The following ETNK1 variants were observed in gnomAD, a reference collection of about 807,000 sequenced individuals.
ETNK1 encodes the protein putative protein product of Nbla10396.
Under a neutral mutation model 45.1 loss-of-function variants are expected in ETNK1, and 8 were observed. The ratio of observed to expected loss-of-function variants is 0.18; its 90% CI spans 0.10 to 0.32. The LOEUF is 0.32. ETNK1 is among the 10% of genes least tolerant of loss of function. The pLI is 1.00. For missense variants in ETNK1, 302 were observed against 430.6 expected (o/e 0.70, Z 2.64); for synonymous variants, 152 against 151.9 (o/e 1.00, Z -0.01).
rs550759585 is a variant in ETNK1 at position 22,690,501 on chromosome 12, A to C, written c.*5547A>C. 1.3e-5 allele frequency: 2 copies of C among 152,560 alleles called. No individual in the cohort carries two copies. Among genetic ancestry groups the C allele is most frequent in the South Asian group, 4.1e-4 (2 of 4,838 alleles). The allele number at this position is 152,560 out of a possible 1,614,324, so 9.5% of individuals were successfully genotyped here. On this transcript the variant is annotated 3_prime_UTR_variant, in exon 8 of 8. Transcript: ENST00000266517. Reference sequence around the variant, plus strand: ...TTTCACTATGTGTTCATAAACTTTTAATGAAGCTGTTTGTCTTTCAGTTCA... The same window carrying C: ...TTTCACTATGTGTTCATAAACTTTTCATGAAGCTGTTTGTCTTTCAGTTCA...
At chr12:22,669,857 C>A (rs1281426590) in intron 4 of ETNK1, among the ~76,000 whole-genome samples, 2 of 151,866 alleles carry the variant, frequency 1.3e-5, no homozygotes, top group Non-Finnish European at 2.9e-5. Flanking sequence ...AGTTGAATTG[C>A]CGTGATTTAT....
intron 7 of ETNK1, 85 bp downstream of exon 7, chr12:22,684,641 A>G: frequency 2.0e-6 from 2 of 977,416 alleles, no homozygotes; most frequent in South Asian, 2.9e-5. Context: ...TATTGTAGTT[A>G]TTTGCAATCA....
In ETNK1 at chr12:22,688,719, A is replaced by G. The variant is rs1954280974; in HGVS notation, c.*3765A>G. Reference sequence around the variant, plus strand: ...ATGCAGAAGACAAATGCTAGTAATTATTATGCACAGAGGAAAAATCATTTT... The same window carrying G: ...ATGCAGAAGACAAATGCTAGTAATTGTTATGCACAGAGGAAAAATCATTTT... On this transcript the variant is annotated 3_prime_UTR_variant, in exon 8 of 8. Transcript: ENST00000266517. 6.6e-6 allele frequency: 1 copy of G among 152,288 alleles called. No individual in the cohort carries two copies. The highest frequency in any genetic ancestry group is 1.5e-5 in the Non-Finnish European group (1 of 67,788). The allele number at this position is 152,288 out of a possible 1,614,324, so 9.4% of individuals were successfully genotyped here.
At chr12:22,673,473 T>G (rs761933379) in intron 5 of ETNK1, 27 bp from the exon 6 acceptor site, 41 of 1,531,316 alleles carry the variant, frequency 2.7e-5, no homozygotes, top group Non-Finnish European at 3.6e-5. Context: ...TTTAAAATTT[T>G]TGAGTGTAGT....
intron 1 of ETNK1, among the ~76,000 whole-genome samples, chr12:22,635,178 C>T (rs1171893099): frequency 6.6e-6 from 1 of 152,230 alleles, no homozygotes; most frequent in Non-Finnish European, 1.5e-5. Flanking sequence ...GGACCTGTCA[C>T]TCTGTGTGAA....
intron 6 of ETNK1, among the ~76,000 whole-genome samples, chr12:22,683,578 A>T (rs1954233303): frequency 6.6e-6 from 1 of 152,290 alleles, no homozygotes; most frequent in South Asian, 2.1e-4. Context: ...GTGACTTATT[A>T]AAGGTTGCAA....
chr12:22,665,675 T>C (rs1007497214), intron 4 of ETNK1, among the ~76,000 whole-genome samples: 2 of 152,146 alleles, frequency 1.3e-5, no homozygotes, highest in African/African-American at 4.8e-5. Flanking sequence ...TAAAACTTTA[T>C]TTCCAAAAAT....
chr12:22,668,945 G>A (rs1212432553), intron 4 of ETNK1, among the ~76,000 whole-genome samples: 1 of 152,012 alleles, frequency 6.6e-6, no homozygotes, highest in African/African-American at 2.4e-5. Context: ...AACTGTATTT[G>A]CCAAATTCTA....
intron 1 of ETNK1, 173 bp downstream of exon 1, chr12:22,625,759 C>A: frequency 1.0e-6 from 1 of 976,350 alleles, no homozygotes; most frequent in Admixed American, 2.0e-5. Context: ...GTCACTCCCC[C>A]TTCCCGTCGC....
intron 4 of ETNK1, among the ~76,000 whole-genome samples, chr12:22,664,011 G>A (rs575157786): frequency 6.6e-6 from 1 of 152,016 alleles, no homozygotes; most frequent in Non-Finnish European, 1.5e-5. Context: ...TAAAACTAAA[G>A]TATGACAAGA....
intron 4 of ETNK1, among the ~76,000 whole-genome samples, chr12:22,664,857 A>G (rs755174119): frequency 5.9e-5 from 9 of 152,172 alleles, no homozygotes; most frequent in Non-Finnish European, 1.0e-4. Context: ...ATAAAACGTA[A>G]TAAGATGAAA....
intron 2 of ETNK1, among the ~76,000 whole-genome samples, chr12:22,650,899 A>T (rs1006607258): frequency 1.3e-5 from 2 of 152,170 alleles, no homozygotes; most frequent in African/African-American, 2.4e-5. Flanking sequence ...GTTGTTCTGA[A>T]AAAATTTGAT....
At chr12:22,662,477 C>A (rs1256403595) in intron 4 of ETNK1, among the ~76,000 whole-genome samples, 1 of 151,248 alleles carries the variant, frequency 6.6e-6, no homozygotes, top group Non-Finnish European at 1.5e-5. Context: ...TCACTGCAGC[C>A]TTCAACTCTT....
chr12:22,643,996 G>T lies in ETNK1; in HGVS notation c.390G>T (p.Lys130Asn), dbSNP rs1332272081. Residue 130 changes from lysine to asparagine, a missense_variant, in exon 2 of 8, where the codon AAG becomes AAT. Coordinates refer to ENST00000266517, the MANE Select transcript of ETNK1 (RefSeq NM_018638.5). The stretch of plus-strand genomic sequence containing the variant: ...TACAAGGAGAAGCACTGGATCCAAA[G>T]CATGTCTGCAACCCAGCCATTTTCA... ...EFIQGEALDP[K>N]HVCNPAIFRL... 38 of 1,605,240 alleles carry T rather than the reference G, an allele frequency of 2.4e-5. No homozygotes were observed. The highest frequency in any genetic ancestry group is 3.2e-5 in the Non-Finnish European group (37 of 1,173,870).
intron 2 of ETNK1, among the ~76,000 whole-genome samples, chr12:22,647,562 A>G (rs980222545): frequency 8.6e-5 from 13 of 151,928 alleles, no homozygotes; most frequent in Non-Finnish European, 1.5e-4. Flanking sequence ...ATTGTCTAAT[A>G]CATGCAAAAT....
chr12:22,677,082 C>T (rs1247965622), intron 6 of ETNK1, among the ~76,000 whole-genome samples: 1 of 152,128 alleles, frequency 6.6e-6, no homozygotes, highest in African/African-American at 2.4e-5. Flanking sequence ...GAAGTCTTTG[C>T]CCATGCCTGT....
At chr12:22,663,121 T>C (rs1438306848) in intron 4 of ETNK1, among the ~76,000 whole-genome samples, 2 of 152,208 alleles carry the variant, frequency 1.3e-5, no homozygotes, top group Non-Finnish European at 2.9e-5. Context: ...CTTGACAGTG[T>C]CCTTTAATGT....
chr12:22,654,216 C>A (rs2137547975), intron 2 of ETNK1, among the ~76,000 whole-genome samples: 1 of 152,188 alleles, frequency 6.6e-6, no homozygotes, highest in East Asian at 1.9e-4. Context: ...TATAAGCTAC[C>A]TTGTTTATGG....
chr12:22,651,603 G>C (rs192437051), intron 2 of ETNK1, among the ~76,000 whole-genome samples: 2 of 149,544 alleles, frequency 1.3e-5, no homozygotes, highest in African/African-American at 4.9e-5. Flanking sequence ...CAGCTCAATA[G>C]TGTTATTGCA....
Sources: allele counts gnomAD v4.1 joint callset (sites outside exome capture counted in the v4.1 genomes callset), GRCh38; gene constraint gnomAD v4.1.1; transcripts MANE v1.5; gene names NCBI Gene and HGNC (gene_info 2026-07-23, HGNC 2026-07-21).